CDKN2B-AS1: variants seen among roughly 807,000 people sequenced by gnomAD.
The protein encoded by CDKN2B-AS1 is CDKN2B antisense RNA 1 (non-protein coding).
chr9:22,085,547 C>T (rs911968797), intron 4 of CDKN2B-AS1, among the ~76,000 whole-genome samples: 1 of 151,986 alleles, frequency 6.6e-6, no homozygotes, highest in Non-Finnish European at 1.5e-5. Context: ...GGTGAAACCC[C>T]GTCTCTACTA....
intron 4 of CDKN2B-AS1, among the ~76,000 whole-genome samples, chr9:22,101,703 T>C (rs6475608): frequency 0.6 from 53,841 of 90,112 alleles, 13,220 homozygotes; most frequent in African/African-American, 0.77. Context: ...CACACACACA[T>C]GGCTTCTAGA....
intron 1 of CDKN2B-AS1, among the ~76,000 whole-genome samples, chr9:22,024,399 A>C (rs1175777254): frequency 6.6e-6 from 1 of 152,192 alleles, no homozygotes. Context: ...CATGCTAGTG[A>C]AGGCAAGGCA....
At chr9:22,002,453 G>A (rs977125098) in intron 1 of CDKN2B-AS1, among the ~76,000 whole-genome samples, 3 of 149,616 alleles carry the variant, frequency 2.0e-5, no homozygotes, top group Admixed American at 1.3e-4. Flanking sequence ...AAATAATTGA[G>A]GGGTAATTAT....
intron 1 of CDKN2B-AS1, chr9:22,012,446 A>G: frequency 1.4e-6 from 1 of 717,814 alleles, no homozygotes; most frequent in Middle Eastern, 3.4e-4. Context: ...GATCTGCCAT[A>G]AGCGCTATGC....
intron 3 of CDKN2B-AS1, among the ~76,000 whole-genome samples, chr9:22,055,045 G>A (rs1156782424): frequency 1.3e-5 from 2 of 152,122 alleles, no homozygotes; most frequent in African/African-American, 4.8e-5. Context: ...GAGCCACCAC[G>A]CCCAGCCTGC....
intron 1 of CDKN2B-AS1, chr9:22,046,621 C>A (rs1823119898): frequency 6.6e-6 from 1 of 152,154 alleles, no homozygotes; most frequent in African/African-American, 2.4e-5. Flanking sequence ...CAATGTATTT[C>A]TCTGCTTCAT....
intron 1 of CDKN2B-AS1, among the ~76,000 whole-genome samples, chr9:22,022,793 C>T (rs886962593): frequency 3.3e-5 from 5 of 152,144 alleles, no homozygotes; most frequent in African/African-American, 9.7e-5. Flanking sequence ...TTAGTGCTTC[C>T]TTCAGGAGCT....
intron 4 of CDKN2B-AS1, chr9:22,118,290 A>G (rs932363219): frequency 6.6e-6 from 1 of 152,218 alleles, no homozygotes; most frequent in African/African-American, 2.4e-5. Flanking sequence ...AAAGAGAGAC[A>G]CACAGAGAGA....
In CDKN2B-AS1 at chr9:22,003,669, T is replaced by A. The variant is rs1240933995; in HGVS notation, n.29+8508T>A. Reference sequence around the variant, plus strand: ...AGTGCTTAAGTGATAACTAGAAATATATTTTCTGTCCCTGTGCTTCAGTTT... The same window carrying A: ...AGTGCTTAAGTGATAACTAGAAATAAATTTTCTGTCCCTGTGCTTCAGTTT... On this transcript the variant is annotated intron_variant and non_coding_transcript_variant, in intron 1 of 4. Coordinates refer to ENST00000650946, the Ensembl canonical transcript of CDKN2B-AS1. The A allele has an allele frequency of 1.7e-5, 4 of 230,840 alleles. No individual in the cohort carries two copies. In the Admixed American group the frequency reaches 2.3e-4, roughly 13 times the overall value. The allele number at this position is 230,840 out of a possible 1,614,324, so 14.3% of individuals were successfully genotyped here. A position where few individuals can be genotyped will look rare whatever the true frequency, so the allele number is the denominator to read the frequency against.
At chr9:22,056,419 A>C (rs1823580542) in intron 4 of CDKN2B-AS1, 1 of 151,982 alleles carries the variant, frequency 6.6e-6, no homozygotes, top group Admixed American at 6.6e-5. Flanking sequence ...AAAGAATAAT[A>C]GGAGCAAAAG....
chr9:22,012,282 T>C, intron 1 of CDKN2B-AS1: 1 of 1,471,492 alleles, frequency 6.8e-7, no homozygotes, highest in Non-Finnish European at 9.5e-7. Flanking sequence ...AAGCAGCGTC[T>C]GATATTTGCC....
At chr9:22,069,431 A>C (rs1824197347) in intron 4 of CDKN2B-AS1, among the ~76,000 whole-genome samples, 1 of 152,198 alleles carries the variant, frequency 6.6e-6, no homozygotes, top group Non-Finnish European at 1.5e-5. Flanking sequence ...GTATTTCATT[A>C]TTCCCGTGAA....
intron 3 of CDKN2B-AS1, among the ~76,000 whole-genome samples, chr9:22,051,297 C>G (rs1823334910): frequency 6.6e-6 from 1 of 152,156 alleles, no homozygotes; most frequent in South Asian, 2.1e-4. Context: ...ACTTTTCCAA[C>G]TAGTGTGTAG....
chr9:22,034,943 A>AT (rs1822626847), intron 1 of CDKN2B-AS1, among the ~76,000 whole-genome samples: 3 of 152,174 alleles, frequency 2.0e-5, no homozygotes, highest in African/African-American at 7.2e-5. Context: ...GTGCCATTCT[A>AT]GTTGGGTAGT....
At chr9:22,011,829 AAC>A (rs1175148914) in intron 1 of CDKN2B-AS1, among the ~76,000 whole-genome samples, 1 of 152,208 alleles carries the variant, frequency 6.6e-6, no homozygotes, top group Non-Finnish European at 1.5e-5. Flanking sequence ...TAATGCTTTA[AAC>A]ACATTTAAAA....
At chr9:22,099,248 A>G (rs763210916) in intron 4 of CDKN2B-AS1, among the ~76,000 whole-genome samples, 1 of 152,166 alleles carries the variant, frequency 6.6e-6, no homozygotes, top group Non-Finnish European at 1.5e-5. Flanking sequence ...AGCATAGGGT[A>G]GTAGAGAGAA....
chr9:22,031,991 AC>A (rs1276067960), intron 1 of CDKN2B-AS1, among the ~76,000 whole-genome samples: 8 of 152,216 alleles, frequency 5.3e-5, no homozygotes, highest in Non-Finnish European at 8.8e-5. Context: ...AATGAATCTT[AC>A]CAACAGCCAG....
At chr9:22,127,455 C>T (rs1412173067) in exon 5 of CDKN2B-AS1, among the ~76,000 whole-genome samples, 1 of 152,220 alleles carries the variant, frequency 6.6e-6, no homozygotes, top group African/African-American at 2.4e-5. Flanking sequence ...ATGGATTATT[C>T]ATTAAATTGC....
intron 4 of CDKN2B-AS1, among the ~76,000 whole-genome samples, chr9:22,101,728 G>A: frequency 6.8e-6 from 1 of 147,932 alleles, no homozygotes; most frequent in South Asian, 2.1e-4. Context: ...ACATGTACAA[G>A]AGTGCAAATC....
Sources: gnomAD v4.1 joint callset for allele counts (sites outside exome capture counted in the v4.1 genomes callset) on GRCh38, gnomAD v4.1.1 for gene constraint, MANE v1.5 for transcripts, NCBI Gene and HGNC (gene_info 2026-07-23, HGNC 2026-07-21) for gene names.